The following STXBP2 variants were observed in gnomAD, a reference collection of about 807,000 sequenced individuals.
STXBP2 encodes the protein syntaxin binding protein 2, also known as syntaxin-binding protein 2.
STXBP2 carries 47 observed loss-of-function variants against 72.2 expected under a neutral mutation model. The observed-to-expected ratio is 0.65, with a 90% confidence interval of 0.51 to 0.83. STXBP2 has a LOEUF of 0.83. Among genes scored for constraint, STXBP2 ranks in the 40% least tolerant of loss-of-function variants. The pLI, the probability that STXBP2 is intolerant of heterozygous loss-of-function variation, is 0.00. For synonymous variants in STXBP2, 367 were observed against 338.7 expected, an observed-to-expected ratio of 1.08 and a Z score of -0.92; for missense variants, 702 against 807.6, an observed-to-expected ratio of 0.87 and a Z score of 1.58.
Position 7,647,441 on chromosome 19 carries a change from G to C in STXBP2, c.1626G>C (p.Val542=), listed in dbSNP as rs774025810. 1.9e-6 allele frequency: 3 copies of C among 1,613,342 alleles called. No individual in the cohort carries two copies. The highest frequency in any genetic ancestry group is 2.5e-6 in the Non-Finnish European group (3 of 1,179,876). The change falls in exon 18 of 19, where the codon GTG becomes GTC. Residue 542 remains valine (V), a synonymous_variant. Coordinates refer to ENST00000221283, the MANE Select transcript of STXBP2 (RefSeq NM_006949.4). ...PRLIVYVMGG[V]AMSEMRAAYE... The stretch of plus-strand genomic sequence containing the variant: ...TCATCGTGTATGTCATGGGCGGTGT[G>C]GCCATGTCAGAGATGAGGGCCGCCT...
chr19:7,646,613 C>T, intron 16 of STXBP2: 2 of 539,936 alleles, frequency 3.7e-6, no homozygotes. Context: ...CCCTGTCCCG[C>T]AGGAGTGCCC....
upstream of STXBP2, chr19:7,632,974 C>T: frequency 6.9e-7 from 1 of 1,455,838 alleles, no homozygotes; most frequent in Non-Finnish European, 9.0e-7. This position sits in a 1 kb window ranked among gnomAD's most constrained non-coding sequence, Gnocchi z 5.2. Flanking sequence ...CCGATCCTCT[C>T]TGCAGAGCTG....
Position 7,639,729 on chromosome 19 carries a change from A to G in STXBP2, c.170-2A>G, listed in dbSNP as rs1447947700. On this transcript the variant is annotated splice_acceptor_variant, in intron 3 of 18. Transcript: ENST00000221283. LOFTEE classifies it high-confidence loss of function. ...CTGTGTCCCTTCCTCTGTTCCTACT[A>G]GTTGTTGAAGACATCAACAAACGGC... The G allele has an allele frequency of 6.2e-7, 1 of 1,612,662 alleles. No individual in the cohort carries two copies. Among genetic ancestry groups the G allele is most frequent in the Non-Finnish European group, 8.5e-7 (1 of 1,179,842 alleles).
chr19:7,640,188 A>G (rs1473990036), intron 4 of STXBP2: 6 of 513,518 alleles, frequency 1.2e-5, no homozygotes, highest in African/African-American at 2.2e-5. Context: ...GTCTGTGTGC[A>G]TGTGTGTATG....
chr19:7,638,686 G>C (rs1053991666), intron 1 of STXBP2, 40 bp from the exon 2 acceptor site: 10 of 1,612,428 alleles, frequency 6.2e-6, no homozygotes, highest in Non-Finnish European at 1.7e-6. Context: ...GGTGGGACCA[G>C]AGAACCAGCA....
rs780957276 is a variant in STXBP2 at position 7,646,381 on chromosome 19, C to A, written c.1452+37C>A. 9.0e-6 allele frequency: 14 copies of A among 1,554,432 alleles called. No individual in the cohort carries two copies. In the Admixed American group the frequency reaches 2.1e-4, roughly 23 times the overall value. On this transcript the variant is annotated intron_variant, in intron 16 of 18. Transcript: ENST00000221283. ...CAGGTCAGGGTGGGGGCCAGCCCTC[C>A]GCATCGGCTGGCGGCTCAGCCTCCC...
Position 7,640,755 on chromosome 19 carries a change from T to C in STXBP2, c.271T>C (p.Phe91Leu), listed in dbSNP as rs749402040. 6.2e-7 allele frequency: 1 copy of C among 1,614,182 alleles called. No individual in the cohort carries two copies. The highest frequency in any genetic ancestry group is 1.1e-5 in the South Asian group (1 of 91,086). ...EKSVQALIKDFQGTPTFTYKA... is the reference protein window; with the variant it reads ...EKSVQALIKDLQGTPTFTYKA... ...GTCGGTTCAGGCCCTGATCAAAGAC[T>C]TCCAGGGGACCCCGACTTTCACCTA... The change falls in exon 5 of 19, where the codon TTC becomes CTC. Residue 91 changes from phenylalanine (F) to leucine (L), a missense_variant. Coordinates refer to ENST00000221283, the MANE Select transcript of STXBP2 (RefSeq NM_006949.4).
chr19:7,633,640 C>T, upstream of STXBP2: 1 of 627,734 alleles, frequency 1.6e-6, no homozygotes, highest in South Asian at 2.0e-5. Context: ...TGTTTGCCCA[C>T]AACGATGCTG....
intron 14 of STXBP2, 157 bp downstream of exon 14, chr19:7,644,909 A>T (rs2032071745): frequency 6.8e-7 from 1 of 1,476,510 alleles, no homozygotes; most frequent in South Asian, 1.4e-5. Flanking sequence ...ACCCTCCTCC[A>T]TTGGCTTGGG....
At position 7,645,296 on chromosome 19, in the gene STXBP2, C is replaced by T. The variant is rs2146228497; in HGVS notation, c.1346C>T (p.Thr449Ile). 1.9e-6 allele frequency: 3 copies of T among 1,584,318 alleles called. No individual in the cohort carries two copies. Among genetic ancestry groups the T allele is most frequent in the East Asian group, 2.3e-5 (1 of 43,508 alleles). Residue 449 changes from threonine to isoleucine, a missense_variant, in exon 15 of 19, where the codon ACC becomes ATC. By Grantham distance (89) the Thr-to-Ile change is moderately conservative. Coordinates refer to ENST00000221283, the MANE Select transcript of STXBP2 (RefSeq NM_006949.4). ...RNLEQLGGTV[T>I]NPGGSGTSSR... ...CTGGAGCAGCTGGGAGGCACTGTCA[C>T]CAACCCCGGGGTACGCCAGGAGCGG...
the STXBP2 span, chr19:7,630,943 C>T: frequency 6.9e-7 from 1 of 1,441,442 alleles, no homozygotes; most frequent in Non-Finnish European, 9.4e-7. Context: ...GGCGCAGTGG[C>T]TCATGCTTGT....
upstream of STXBP2, chr19:7,633,426 C>T (rs1251387207): frequency 1.3e-6 from 2 of 1,575,836 alleles, no homozygotes; most frequent in Non-Finnish European, 1.7e-6. Context: ...GGGGCCTGAG[C>T]CTTCCTCCGT....
At position 7,645,920 on chromosome 19, in the gene STXBP2, T is replaced by C. The variant is rs1048563980; in HGVS notation, c.1357-329T>C. The C allele has an allele frequency of 1.1e-5, 5 of 451,990 alleles. No individual in the cohort carries two copies. In the Admixed American group the frequency reaches 1.5e-4, roughly 14 times the overall value. The allele number at this position is 451,990 out of a possible 1,614,324, so 28.0% of individuals were successfully genotyped here. ...CTCCGTCCCCCTTCTGTCCCCATCT[T>C]CCTCTCTCTGTTTCCTGCTTCATCT... is the stretch of plus-strand genomic sequence containing the variant. On this transcript the variant is annotated intron_variant, in intron 15 of 18. Transcript: ENST00000221283.
At chr19:7,632,494 C>T (rs756021029), upstream of STXBP2, 4 of 1,613,492 alleles carry the variant, frequency 2.5e-6, no homozygotes, top group South Asian at 3.3e-5. The surrounding 1 kb of genome is among the most constrained non-coding windows in gnomAD (Gnocchi z 5.2). Flanking sequence ...ATGAGGCTGT[C>T]CATCTCGGGG....
At chr19:7,631,080 C>T in the STXBP2 span, 2 of 729,298 alleles carry the variant, frequency 2.7e-6, no homozygotes, top group East Asian at 2.8e-5. Context: ...TGGTGGCAGG[C>T]GCCTATAATT....
intron 16 of STXBP2, 74 bp from the exon 17 acceptor site, chr19:7,647,088 A>AC: frequency 6.6e-7 from 1 of 1,513,508 alleles, no homozygotes; most frequent in Non-Finnish European, 9.1e-7. Context: ...GCCCCTGAAT[A>AC]CCCCGTGGGG....
rs746329841 is a variant in STXBP2, at chr19:7,642,096, C to T, written c.641C>T (p.Ala214Val). The change falls in exon 8 of 19, where the codon GCA becomes GTA. Residue 214 changes from alanine (A) to valine (V), a missense_variant. Coordinates refer to ENST00000221283, the MANE Select transcript of STXBP2 (RefSeq NM_006949.4). This position sits in a 1 kb window ranked among gnomAD's most constrained non-coding sequence, Gnocchi z 6.0. ...AVLAKLNAFK[A>V]DTPSLGEGPE... ...CTGGCCAAGCTGAACGCCTTCAAGG[C>T]AGACACTCCCAGTCTGGGCGAGGTG... The T allele has an allele frequency of 7.6e-5, 123 of 1,614,008 alleles. 1 individual carries two copies. Among genetic ancestry groups the T allele is most frequent in the Non-Finnish European group, 1.0e-4 (119 of 1,180,032 alleles).
At chr19:7,635,530 TAAC>T (rs1206405918), upstream of STXBP2, among the ~76,000 whole-genome samples, 7 of 151,828 alleles carry the variant, frequency 4.6e-5, no homozygotes, top group East Asian at 7.7e-4. Context: ...TCCTGTCTCT[TAAC>T]AACAACAACA....
At chr19:7,632,696 A>AC, upstream of STXBP2, 1 of 1,545,128 alleles carries the variant, frequency 6.5e-7, no homozygotes, top group Non-Finnish European at 8.7e-7. This position sits in a 1 kb window ranked among gnomAD's most constrained non-coding sequence, Gnocchi z 5.2. Flanking sequence ...CATGGACAGC[A>AC]CCCCCGTGCC....
Sources: gnomAD v4.1 joint callset for allele counts (sites outside exome capture counted in the v4.1 genomes callset) on GRCh38, gnomAD v4.1.1 for gene constraint, Gnocchi (gnomAD v3.1) non-coding constraint, MANE v1.5 for transcripts, NCBI Gene and HGNC (gene_info 2026-07-23, HGNC 2026-07-21) for gene names.